Variants in RIMS2 observed in about 807,000 individuals in gnomAD.
RIMS2 encodes the protein regulating synaptic membrane exocytosis 2.
In RIMS2, 59 loss-of-function variants were observed where a neutral mutation model predicts 174.4. The observed-to-expected ratio is 0.34, with a 90% CI of 0.27 to 0.42. The LOEUF is 0.42. RIMS2 is among the 10% of genes least tolerant of loss of function. RIMS2 has a pLI of 1.00. For missense variants in RIMS2, 1,620 were observed against 1,666.3 expected, an observed-to-expected ratio of 0.97 and a Z score of 0.48; for synonymous variants, 606 against 572.5, an observed-to-expected ratio of 1.06 and a Z score of -0.84.
intron 12 of RIMS2, 87 bp from the exon 15 acceptor site, chr8:103,936,464 T>A (rs956321713): frequency 1.3e-6 from 1 of 753,528 alleles, no homozygotes; most frequent in Non-Finnish European, 2.0e-6. Flanking sequence ...TCACCTGACT[T>A]GTCTCCTGAG....
intron 1 of RIMS2, among the ~76,000 whole-genome samples, chr8:103,649,309 C>T (rs937273894): frequency 6.6e-6 from 1 of 152,170 alleles, no homozygotes; most frequent in East Asian, 1.9e-4. Context: ...GAGAGGTCCC[C>T]TGTTAGTCTG....
chr8:103,785,948 T>G (rs1048638072), intron 3 of RIMS2, among the ~76,000 whole-genome samples: 16 of 152,188 alleles, frequency 1.1e-4, no homozygotes, highest in Non-Finnish European at 1.8e-4. Flanking sequence ...CAATTTCAGA[T>G]CCTGTTATTG....
At chr8:103,708,273 T>C (rs2097258516) in intron 2 of RIMS2, among the ~76,000 whole-genome samples, 1 of 152,100 alleles carries the variant, frequency 6.6e-6, no homozygotes. Context: ...GGTGGCAGAT[T>C]CTCTTCTGCT....
chr8:103,666,418 T>G lies in RIMS2; in HGVS notation c.177-30668T>G, dbSNP rs773758805. ...GTCAACCGGAGAGGTTGACCAAAAC[T>G]TTATGCGTTGACATCATTCTTTTGC... On this transcript the variant is annotated intron_variant, in intron 1 of 23. Coordinates refer to ENST00000504942, the Ensembl canonical transcript of RIMS2. Among the ~76,000 whole-genome samples, 9 of 152,274 alleles carry G rather than the reference T, an allele frequency of 5.9e-5. No individual in the cohort carries two copies. The Middle Eastern group carries it at 0.01, about 173-fold the overall frequency.
chr8:103,613,193 A>G (rs2095426580), intron 1 of RIMS2, among the ~76,000 whole-genome samples: 1 of 152,198 alleles, frequency 6.6e-6, no homozygotes, highest in South Asian at 2.1e-4. Flanking sequence ...ATTTGGAGTC[A>G]AAAACCTTAG....
rs1393454891 is a variant in RIMS2 at position 104,019,355 on chromosome 8, T to A, written c.3334+4740T>A. Among the ~76,000 whole-genome samples, 3 of 152,180 alleles carry A rather than the reference T, an allele frequency of 2.0e-5. No homozygotes were observed. The East Asian group carries it at 5.8e-4, about 29-fold the overall frequency. On this transcript the variant is annotated intron_variant, in intron 19 of 23. Transcript: ENST00000504942. ...TTTCTTTGAATAATACAGAATACCT[T>A]TAATTTTGTCAAGTGTTTAACTGAC...
chr8:103,988,554 G>A (rs969796287), intron 16 of RIMS2, among the ~76,000 whole-genome samples: 4 of 152,142 alleles, frequency 2.6e-5, no homozygotes, highest in African/African-American at 9.7e-5. Flanking sequence ...CCACCTCCCG[G>A]GTTCAAGCGA....
At position 103,902,164 on chromosome 8, in the gene RIMS2, C is replaced by G. The variant is rs1030438397; in HGVS notation, c.1625-7970C>G. Among the ~76,000 whole-genome samples the G allele has an allele frequency of 3.9e-5, 6 of 152,110 alleles. No individual in the cohort carries two copies. The East Asian group carries it at 1.2e-3, about 29-fold the overall frequency. On this transcript the variant is annotated intron_variant, in intron 4 of 23. Transcript: ENST00000504942. ...GACAAGAAGCTGCCATCAGCTCCCCCACATCTCCTAAAGGCTGTTAGTAGT... is the reference window on the plus strand; with the variant it reads ...GACAAGAAGCTGCCATCAGCTCCCCGACATCTCCTAAAGGCTGTTAGTAGT...
intron 1 of RIMS2, 27 bp from the exon 4 acceptor site, chr8:103,697,059 T>G (rs780825926): frequency 2.6e-6 from 4 of 1,562,230 alleles, no homozygotes; most frequent in Non-Finnish European, 2.6e-6. Context: ...GGAAACCAAC[T>G]TTTTTTCTTA....
intron 19 of RIMS2, among the ~76,000 whole-genome samples, chr8:104,225,435 A>T (rs1326628339): frequency 6.6e-6 from 1 of 152,216 alleles, no homozygotes; most frequent in Non-Finnish European, 1.5e-5. Flanking sequence ...CTGAAAATAC[A>T]TATTTAAATA....
intron 2 of RIMS2, among the ~76,000 whole-genome samples, chr8:103,736,832 T>G (rs2097690970): frequency 6.6e-6 from 1 of 152,172 alleles, no homozygotes; most frequent in Non-Finnish European, 1.5e-5. Context: ...TATTTTATAC[T>G]AGGGTTGACA....
At chr8:104,055,038 A>G (rs2096845933) in intron 19 of RIMS2, among the ~76,000 whole-genome samples, 1 of 152,018 alleles carries the variant, frequency 6.6e-6, no homozygotes, top group Non-Finnish European at 1.5e-5. Flanking sequence ...ATTATTTCAC[A>G]CTTTCATTAA....
chr8:104,225,660 A>G (rs1051972560), intron 19 of RIMS2, among the ~76,000 whole-genome samples: 6 of 152,218 alleles, frequency 3.9e-5, no homozygotes, highest in Non-Finnish European at 8.8e-5. Context: ...TTGCTTAACT[A>G]TGGCTCACAC....
intron 2 of RIMS2, among the ~76,000 whole-genome samples, chr8:103,725,524 T>C (rs910079399): frequency 6.6e-6 from 1 of 152,226 alleles, no homozygotes; most frequent in Non-Finnish European, 1.5e-5. Context: ...TCTATGAGAT[T>C]CATCCATGAT....
At chr8:104,223,549 C>G (rs2099166530) in intron 19 of RIMS2, 2 of 1,432,394 alleles carry the variant, frequency 1.4e-6, no homozygotes, top group East Asian at 5.3e-5. Flanking sequence ...TGGCACCAAC[C>G]TGGCTTCTGG....
At chr8:103,500,873 C>G (rs1328833553) in exon 1 of RIMS2, 2 of 1,572,912 alleles carry the variant, frequency 1.3e-6, no homozygotes, top group Non-Finnish European at 1.7e-6. Context: ...TAGGGTGGTT[C>G]GGCTCCACCA....
chr8:103,975,537 G>T (rs2093338206), intron 16 of RIMS2, 31 bp downstream of exon 18: 1 of 1,571,092 alleles, frequency 6.4e-7, no homozygotes, highest in Admixed American at 1.7e-5. Context: ...TATTTGTAGG[G>T]TGGCTGTATT....
Position 103,693,279 on chromosome 8 carries a change from G to T in RIMS2, c.177-3807G>T, listed in dbSNP as rs369325905. 2.6e-5 allele frequency among the ~76,000 whole-genome samples: 4 copies of T among 152,162 alleles called. No homozygotes were observed. The East Asian group carries it at 7.7e-4, about 29-fold the overall frequency. On this transcript the variant is annotated intron_variant, in intron 1 of 23. Coordinates refer to ENST00000504942, the Ensembl canonical transcript of RIMS2. ...ATAGGTGAAGGAGGGATAGCATCGA[G>T]AATTTAAGACTGTTTTTTCTACCCT...
At chr8:103,561,634 G>A (rs2091611052) in intron 1 of RIMS2, among the ~76,000 whole-genome samples, 1 of 152,146 alleles carries the variant, frequency 6.6e-6, no homozygotes, top group African/African-American at 2.4e-5. Context: ...AAAAAAGTGT[G>A]TTCCTATTAT....
Sources: allele counts gnomAD v4.1 joint callset (sites outside exome capture counted in the v4.1 genomes callset), GRCh38; gene constraint gnomAD v4.1.1; transcripts MANE v1.5; gene names NCBI Gene and HGNC (gene_info 2026-07-23, HGNC 2026-07-21).